The following NFATC2 variants were observed in gnomAD, a reference collection of about 807,000 sequenced individuals.
The protein encoded by NFATC2 is nuclear factor of activated T-cells, cytoplasmic 2.
NFATC2 carries 22 observed loss-of-function variants against 87.3 expected under a neutral mutation model. The ratio of observed to expected loss-of-function variants is 0.25; its 90% confidence interval spans 0.18 to 0.36. The LOEUF (loss-of-function observed/expected upper bound fraction) is 0.36. Among genes scored for constraint, NFATC2 ranks in the 10% least tolerant of loss-of-function variants. The pLI is 1.00. For missense variants in NFATC2, 1,149 were observed against 1,259.1 expected (o/e 0.91, Z 1.32); for synonymous variants, 565 against 542.2 (o/e 1.04, Z -0.58).
At chr20:51,495,969 G>C (rs1405897937) in intron 3 of NFATC2, among the ~76,000 whole-genome samples, 3 of 152,172 alleles carry the variant, frequency 2.0e-5, no homozygotes, top group African/African-American at 7.2e-5. Flanking sequence ...TTAAAAAGAG[G>C]CCTTGAGCAA....
chr20:51,531,840 A>G (rs1197557910), intron 1 of NFATC2, among the ~76,000 whole-genome samples: 4 of 152,220 alleles, frequency 2.6e-5, no homozygotes, highest in Non-Finnish European at 5.9e-5. Context: ...ACTTGAACGC[A>G]CTAGTCCCCA....
chr20:51,441,717 C>CAAAAA (rs11474273), intron 6 of NFATC2, among the ~76,000 whole-genome samples: 1 of 120,156 alleles, frequency 8.3e-6, no homozygotes, highest in Non-Finnish European at 1.7e-5. Context: ...AACTCCATCT[C>CAAAAA]AAAAAAAAAA....
Position 51,454,655 on chromosome 20 carries a change from T to G in NFATC2, c.1742A>C (p.Glu581Ala). 6.2e-7 allele frequency: 1 copy of G among 1,614,068 alleles called. No individual in the cohort carries two copies. The highest frequency in any genetic ancestry group is 2.2e-5 in the East Asian group (1 of 44,890). The stretch of plus-strand genomic sequence containing the variant: ...CAGGCAGCTGTCTGTGTCTTGTCTT[T>G]CAACCATGGGCAGCTCGTGAGCAGA... Reference protein sequence around the residue: ...QRSAHELPMVERQDTDSCLVY... With the variant: ...QRSAHELPMVARQDTDSCLVY... Residue 581 changes from glutamate (E) to alanine (A), a missense_variant, in exon 6 of 11, where the codon GAA becomes GCA. By Grantham distance (107) the Glu-to-Ala change is moderately radical. Transcript: ENST00000371564.
At chr20:51,454,969 G>C (rs973409872) in intron 5 of NFATC2, among the ~76,000 whole-genome samples, 1 of 152,210 alleles carries the variant, frequency 6.6e-6, no homozygotes, top group African/African-American at 2.4e-5. Context: ...GCCAGAGGCT[G>C]CCTGTTGTCC....
chr20:51,546,464 T>C (rs959487610), upstream of NFATC2, among the ~76,000 whole-genome samples: 7 of 152,170 alleles, frequency 4.6e-5, no homozygotes, highest in African/African-American at 1.7e-4. Context: ...CGAGAGTGAC[T>C]CTGGGAGGTG....
intron 1 of NFATC2, among the ~76,000 whole-genome samples, chr20:51,529,697 A>G (rs2076602452): frequency 6.6e-6 from 1 of 151,994 alleles, no homozygotes; most frequent in Admixed American, 6.6e-5. Context: ...TGCTCTATCC[A>G]TGTGCCACCA....
intron 1 of NFATC2, among the ~76,000 whole-genome samples, chr20:51,555,975 G>A (rs1364110851): frequency 1.3e-5 from 2 of 152,230 alleles, no homozygotes; most frequent in African/African-American, 4.8e-5. Context: ...TGTCTTTGCA[G>A]ATGTAATCAA....
At chr20:51,410,009 G>A (rs1015096327) in intron 9 of NFATC2, among the ~76,000 whole-genome samples, 1 of 152,084 alleles carries the variant, frequency 6.6e-6, no homozygotes, top group African/African-American at 2.4e-5. Flanking sequence ...AGGAGATGGA[G>A]ACCATCCTGG....
intron 3 of NFATC2, among the ~76,000 whole-genome samples, chr20:51,515,835 T>C (rs2076342748): frequency 1.3e-5 from 2 of 152,170 alleles, no homozygotes; most frequent in South Asian, 2.1e-4. Flanking sequence ...GCTTTACTCA[T>C]GTTATATAGT....
At chr20:51,460,715 C>T (rs990662471) in intron 5 of NFATC2, among the ~76,000 whole-genome samples, 7 of 151,654 alleles carry the variant, frequency 4.6e-5, no homozygotes, top group Admixed American at 2.6e-4. Flanking sequence ...TCAGGCGATC[C>T]GCACGCCTCG....
intron 9 of NFATC2, among the ~76,000 whole-genome samples, chr20:51,422,176 C>G (rs776759175): frequency 2.6e-5 from 4 of 152,114 alleles, no homozygotes; most frequent in African/African-American, 4.8e-5. Context: ...CCAAACTGCT[C>G]GCAACAGACA....
intron 9 of NFATC2, among the ~76,000 whole-genome samples, chr20:51,428,215 T>A (rs980949161): frequency 5.3e-5 from 8 of 152,070 alleles, no homozygotes; most frequent in African/African-American, 1.9e-4. Context: ...GCTGCTGGTG[T>A]TCCCCAGGTA....
In NFATC2 at chr20:51,523,249, G is replaced by A. The variant is rs1339738314; in HGVS notation, c.992C>T (p.Pro331Leu). Residue 331 changes from proline (P) to leucine (L), a missense_variant, in exon 2 of 11, where the codon CCG (proline) becomes CTG (leucine). Pro to Leu is a moderately conservative substitution (Grantham distance 98). Around this residue, in one of 3 missense-constraint regions of NFATC2, gnomAD observed 563 missense variants for 585.2 expected, o/e 0.96. Coordinates refer to ENST00000371564, the MANE Select transcript of NFATC2 (RefSeq NM_012340.5). The surrounding 1 kb of genome is among the most constrained non-coding windows in gnomAD (Gnocchi z 6.9). ...GGCCTTGGATGGGGCGGCAGACACC[G>A]GCGAGGGGTCAGGGCTGGTCTTCCA... ...KMWKTSPDPS[P>L]VSAAPSKAGL... 3 of 1,613,716 alleles carry A rather than the reference G, an allele frequency of 1.9e-6. No homozygotes were observed. Among genetic ancestry groups the A allele is most frequent in the East Asian group, 4.5e-5 (2 of 44,864 alleles).
At chr20:51,471,526 G>C (rs1032269916) in intron 5 of NFATC2, among the ~76,000 whole-genome samples, 1 of 152,140 alleles carries the variant, frequency 6.6e-6, no homozygotes, top group African/African-American at 2.4e-5. Context: ...TCTAAGATCA[G>C]AATACAAGCT....
intron 6 of NFATC2, among the ~76,000 whole-genome samples, chr20:51,443,948 G>C (rs145639071): frequency 3.3e-5 from 5 of 151,984 alleles, no homozygotes; most frequent in Non-Finnish European, 5.9e-5. Flanking sequence ...AAAATAGGGT[G>C]GGGGGATGGC....
At chr20:51,522,995 C>T in intron 2 of NFATC2, 86 bp downstream of exon 2, 2 of 1,555,520 alleles carry the variant, frequency 1.3e-6, no homozygotes, top group African/African-American at 2.7e-5. Context: ...CAGTCTTAAA[C>T]CTGACTCTGA....
In NFATC2 at chr20:51,387,819, T is replaced by C. The variant is rs772926862; in HGVS notation, c.*3677A>G. The stretch of plus-strand genomic sequence containing the variant: ...CTCTTGTAAACTTGAAATGAAAACA[T>C]TCTTTCAATTCTGAGCAATAGAAAG... On this transcript the variant is annotated 3_prime_UTR_variant, in exon 11 of 11. Transcript: ENST00000371564. 1.3e-5 allele frequency: 2 copies of C among 151,646 alleles called. No individual in the cohort carries two copies. Among genetic ancestry groups the C allele is most frequent in the African/African-American group, 2.4e-5 (1 of 41,238 alleles). 9.4% of individuals were successfully genotyped at this position (151,646 alleles called of 1,614,324 possible).
At chr20:51,463,425 C>T (rs1165313656) in intron 5 of NFATC2, among the ~76,000 whole-genome samples, 1 of 152,182 alleles carries the variant, frequency 6.6e-6, no homozygotes, top group African/African-American at 2.4e-5. Flanking sequence ...TGCAGCAGCA[C>T]GGCCCCTCCT....
chr20:51,403,142 C>A (rs1988223314), intron 9 of NFATC2, among the ~76,000 whole-genome samples: 4 of 152,204 alleles, frequency 2.6e-5, no homozygotes, highest in Admixed American at 1.3e-4. Context: ...CTTCCACAAA[C>A]CTTTGGATCT....
Sources: gnomAD v4.1 joint callset for allele counts (sites outside exome capture counted in the v4.1 genomes callset) on GRCh38, gnomAD v4.1.1 for gene constraint, gnomAD v4.1.1 regional missense constraint, Gnocchi (gnomAD v3.1) non-coding constraint, MANE v1.5 for transcripts, NCBI Gene and HGNC (gene_info 2026-07-23, HGNC 2026-07-21) for gene names.